The following NEU3 variants were observed in gnomAD, a reference collection of about 807,000 sequenced individuals.
NEU3 encodes the protein sialidase-3.
NEU3 carries 10 observed loss-of-function variants against 11.4 expected under a neutral mutation model. The ratio of observed to expected loss-of-function variants is 0.88; its 90% confidence interval spans 0.54 to 1.49. NEU3 has a LOEUF of 1.49. Ranked by LOEUF, NEU3 falls within the 40% of genes most tolerant of loss-of-function variation. The pLI is 0.00. For missense variants in NEU3, 529 were observed against 581.8 expected (o/e 0.91, Z 0.93); for synonymous variants, 212 against 228.2 (o/e 0.93, Z 0.64).
At chr11:74,997,963 AAGTTT>A (rs1365819687) in intron 2 of NEU3, among the ~76,000 whole-genome samples, 1 of 152,190 alleles carries the variant, frequency 6.6e-6, no homozygotes, top group East Asian at 1.9e-4. Flanking sequence ...CCTTCCTCGT[AAGTTT>A]AATCATTTCT....
At chr11:74,990,688 C>T (rs1483239332) in intron 1 of NEU3, among the ~76,000 whole-genome samples, 4 of 152,118 alleles carry the variant, frequency 2.6e-5, no homozygotes, top group East Asian at 1.9e-4. Context: ...AGCCCTAACC[C>T]GCTCCATGCC....
Position 75,005,834 on chromosome 11 carries a change from T to C in NEU3, c.728T>C (p.Val243Ala). Reference protein sequence around the residue: ...SLMIYSDDLGVTWHHGRLIRP... With the variant: ...SLMIYSDDLGATWHHGRLIRP... ...ATGATCTACAGTGATGACCTAGGGGTCACATGGCACCATGGTAGACTCATT... is the reference window on the plus strand; with the variant it reads ...ATGATCTACAGTGATGACCTAGGGGCCACATGGCACCATGGTAGACTCATT... The change falls in exon 3 of 3, where the codon GTC becomes GCC. Residue 243 changes from valine (V) to alanine (A), a missense_variant. Val to Ala is a moderately conservative substitution (Grantham distance 64). Coordinates refer to ENST00000294064, the MANE Select transcript of NEU3 (RefSeq NM_006656.6). The C allele has an allele frequency of 6.2e-7, 1 of 1,613,762 alleles. No homozygotes were observed.
chr11:75,020,051 G>C (rs1157754798), downstream of NEU3, among the ~76,000 whole-genome samples: 1 of 152,150 alleles, frequency 6.6e-6, no homozygotes, highest in Non-Finnish European at 1.5e-5. Context: ...TGTGAGACAG[G>C]GAGTCAAAGG....
downstream of NEU3, among the ~76,000 whole-genome samples, chr11:75,013,874 C>T (rs1482393054): frequency 6.6e-6 from 1 of 152,102 alleles, no homozygotes; most frequent in Non-Finnish European, 1.5e-5. Flanking sequence ...CTGTTTTTGT[C>T]GTATAGCAAA....
downstream of NEU3, among the ~76,000 whole-genome samples, chr11:75,012,377 G>A (rs547831414): frequency 1.3e-5 from 2 of 152,208 alleles, no homozygotes; most frequent in African/African-American, 4.8e-5. Context: ...AGTTTAAATT[G>A]GCTTATAAAG....
chr11:74,990,350 T>C (rs1397277262), intron 1 of NEU3, among the ~76,000 whole-genome samples: 4 of 152,054 alleles, frequency 2.6e-5, no homozygotes, highest in African/African-American at 9.7e-5. Context: ...ATTTCCCTAT[T>C]TCCTCTCCAT....
In NEU3 at chr11:74,992,695, C is replaced by T. The variant is rs559285963; in HGVS notation, c.95-1814C>T. ...ACAAAGCCGGCCGGGCACGGTGGCT[C>T]ATGCCTGTAATACCAGCACTTTGGG... On this transcript the variant is annotated intron_variant, in intron 1 of 2. Transcript: ENST00000294064. 3.9e-5 allele frequency among the ~76,000 whole-genome samples: 6 copies of T among 152,306 alleles called. No individual in the cohort carries two copies. In the South Asian group the frequency reaches 1.0e-3, roughly 26 times the overall value.
upstream of NEU3, chr11:74,988,867 T>G (rs1452084460): frequency 1.0e-5 from 6 of 580,254 alleles, no homozygotes; most frequent in Middle Eastern, 4.4e-4. Flanking sequence ...GGCCAACGGT[T>G]GGCCCCAACC....
At chr11:75,004,556 G>A (rs537788200) in intron 2 of NEU3, among the ~76,000 whole-genome samples, 1 of 152,304 alleles carries the variant, frequency 6.6e-6, no homozygotes, top group East Asian at 1.9e-4. Context: ...TTGAAAATAT[G>A]TTAGGGAGAT....
At chr11:75,002,886 G>A (rs1259478411) in intron 2 of NEU3, among the ~76,000 whole-genome samples, 1 of 152,138 alleles carries the variant, frequency 6.6e-6, no homozygotes, top group Non-Finnish European at 1.5e-5. Flanking sequence ...AAATTGTTGT[G>A]TGTAACCCTA....
intron 1 of NEU3, among the ~76,000 whole-genome samples, chr11:74,993,186 T>C (rs1179876892): frequency 1.3e-5 from 2 of 151,910 alleles, no homozygotes; most frequent in Non-Finnish European, 2.9e-5. Flanking sequence ...GTGGGTTTTT[T>C]GTTGTCGTTG....
chr11:75,019,310 A>G (rs1176276391), downstream of NEU3, among the ~76,000 whole-genome samples: 1 of 152,262 alleles, frequency 6.6e-6, no homozygotes, highest in Non-Finnish European at 1.5e-5. Flanking sequence ...AGGGCATGTC[A>G]GAGGTTTGCA....
chr11:74,989,076 C>T lies in NEU3; in HGVS notation c.16C>T (p.Leu6=). Residue 6 remains leucine (L), a synonymous_variant, in exon 1 of 3, where the codon CTG becomes TTG. Coordinates refer to ENST00000294064, the MANE Select transcript of NEU3 (RefSeq NM_006656.6). ...GCTTCGGCGAATGAGACCTGCGGAC[C>T]TGCCCCCGCGCCCCATGGAAGAATC... MRPAD[L]PPRPMEESPA... 1 of 1,550,724 alleles carries T rather than the reference C, an allele frequency of 6.4e-7. No individual in the cohort carries two copies. The highest frequency in any genetic ancestry group is 8.7e-7 in the Non-Finnish European group (1 of 1,146,876).
upstream of NEU3, chr11:74,988,709 G>A (rs1948693739): frequency 3.0e-6 from 1 of 332,182 alleles, no homozygotes; most frequent in South Asian, 3.1e-5. Context: ...GAGAGGAGGC[G>A]GCCGTTGGGA....
upstream of NEU3, among the ~76,000 whole-genome samples, chr11:74,987,226 C>A (rs937093849): frequency 2.6e-5 from 4 of 152,196 alleles, no homozygotes; most frequent in Non-Finnish European, 5.9e-5. Flanking sequence ...TAAAAAGCTG[C>A]TTTCCTTAGC....
upstream of NEU3, among the ~76,000 whole-genome samples, chr11:74,983,539 T>C (rs1591746029): frequency 6.6e-6 from 1 of 152,222 alleles, no homozygotes; most frequent in African/African-American, 2.4e-5. Context: ...TACTGAGCTC[T>C]TGAGGAAACA....
In NEU3 at chr11:75,005,525, T is replaced by G; in HGVS notation, c.419T>G (p.Val140Gly). 6.2e-7 allele frequency: 1 copy of G among 1,613,978 alleles called. No individual in the cohort carries two copies. The highest frequency in any genetic ancestry group is 1.7e-5 in the Admixed American group (1 of 60,016). ...SGCVFLFFIC[V>G]RGHVTERQQI... ...TGTGTGTTCCTGTTCTTCATCTGTGTGCGGGGCCATGTCACAGAGCGTCAA... is the reference window on the plus strand; with the variant it reads ...TGTGTGTTCCTGTTCTTCATCTGTGGGCGGGGCCATGTCACAGAGCGTCAA... The change falls in exon 3 of 3, where the codon GTG becomes GGG. Residue 140 changes from valine to glycine, a missense_variant. Coordinates refer to ENST00000294064, the MANE Select transcript of NEU3 (RefSeq NM_006656.6).
chr11:75,011,644 G>C (rs552070157), downstream of NEU3, among the ~76,000 whole-genome samples: 1 of 152,296 alleles, frequency 6.6e-6, no homozygotes, highest in Admixed American at 6.5e-5. Context: ...AGCCAGTAGG[G>C]TCCTTCACTG....
chr11:75,010,372 C>CTGAA lies in NEU3; in HGVS notation c.*3892_*3895dup, dbSNP rs1278556617. The CTGAA allele has an allele frequency of 1.3e-5, 2 of 152,238 alleles. No homozygotes were observed. Among genetic ancestry groups the CTGAA allele is most frequent in the Non-Finnish European group, 2.9e-5 (2 of 68,076 alleles). 9.4% of individuals were successfully genotyped at this position (152,238 alleles called of 1,614,324 possible). A position where few individuals can be genotyped will look rare whatever the true frequency, so the allele number is the denominator to read the frequency against. On this transcript the variant is annotated 3_prime_UTR_variant, in exon 3 of 3. Coordinates refer to ENST00000294064, the MANE Select transcript of NEU3 (RefSeq NM_006656.6). Reference sequence around the variant, plus strand: ...CAGAGTAGCTAGCAGTAAAGATACACTGAATGAATGAATGAGTCAACCATC... The same window carrying CTGAA: ...CAGAGTAGCTAGCAGTAAAGATACACTGAATGAATGAATGAATGAGTCAACCATC...
Sources: gnomAD v4.1 joint callset for allele counts (sites outside exome capture counted in the v4.1 genomes callset) on GRCh38, gnomAD v4.1.1 for gene constraint, MANE v1.5 for transcripts, NCBI Gene and HGNC (gene_info 2026-07-23, HGNC 2026-07-21) for gene names.